Variants in ATG7 observed in about 807,000 individuals in gnomAD.
ATG7 encodes ubiquitin-like modifier-activating enzyme ATG7.
Under a neutral mutation model 82.4 loss-of-function variants are expected in ATG7, and 70 were observed. The observed-to-expected ratio is 0.85, with a 90% CI of 0.70 to 1.04. The LOEUF (loss-of-function observed/expected upper bound fraction) is 1.04, where lower values mean the gene tolerates loss of function less well. Ranked by LOEUF, ATG7 falls within the 50% of genes least tolerant of loss-of-function variation. ATG7 has a pLI of 0.00. For synonymous variants in ATG7, 287 were observed against 313.0 expected, an observed-to-expected ratio of 0.92 and a Z score of 0.88; for missense variants, 792 against 864.3, an observed-to-expected ratio of 0.92 and a Z score of 1.05.
chr3:11,484,083 G>A (rs556770630), intron 20 of ATG7, among the ~76,000 whole-genome samples: 1 of 152,288 alleles, frequency 6.6e-6, no homozygotes, highest in African/African-American at 2.4e-5. Flanking sequence ...CTAAGAGGAA[G>A]GTGATAGGCC....
chr3:11,345,431 G>T (rs1274271409), intron 13 of ATG7, among the ~76,000 whole-genome samples: 1 of 152,066 alleles, frequency 6.6e-6, no homozygotes, highest in African/African-American at 2.4e-5. Flanking sequence ...AAAGAATTTT[G>T]TTGGTTGGGG....
rs548436229 is a variant in ATG7 at position 11,488,629 on chromosome 3, C to T, written c.2079+61703C>T. Among the ~76,000 whole-genome samples, 5 of 152,238 alleles carry T rather than the reference C, an allele frequency of 3.3e-5. No individual in the cohort carries two copies. The East Asian group carries it at 9.7e-4, about 29-fold the overall frequency. ...CCCAGCCCGCGGGCCTTCGAGCCTTCTGGGGCCTCCGGCGCCGTGACCTCC... is the reference window on the plus strand; with the variant it reads ...CCCAGCCCGCGGGCCTTCGAGCCTTTTGGGGCCTCCGGCGCCGTGACCTCC... On this transcript the variant is annotated intron_variant, in intron 20 of 20. Coordinates refer to ENST00000693202, the MANE Select transcript of ATG7 (RefSeq NM_001349232.2).
intron 3 of ATG7, among the ~76,000 whole-genome samples, chr3:11,287,797 G>A (rs1386258830): frequency 7.9e-5 from 12 of 152,224 alleles, no homozygotes; most frequent in Admixed American, 7.2e-4. Flanking sequence ...CGCCCTCAGC[G>A]CCCTCACTGA....
At chr3:11,296,410 G>A (rs1945924471) in intron 3 of ATG7, among the ~76,000 whole-genome samples, 1 of 151,942 alleles carries the variant, frequency 6.6e-6, no homozygotes, top group Admixed American at 6.6e-5. Context: ...TACCAAGTTA[G>A]GTCACCTTTT....
At chr3:11,504,200 G>C (rs986408620) in intron 20 of ATG7, among the ~76,000 whole-genome samples, 1 of 151,896 alleles carries the variant, frequency 6.6e-6, no homozygotes, top group African/African-American at 2.4e-5. Flanking sequence ...AGTTGTTTTT[G>C]GACTTCTGAA....
In ATG7 at chr3:11,342,134, G is replaced by T; in HGVS notation, c.981-1G>T. On this transcript the variant is annotated splice_acceptor_variant, in intron 12 of 20. Coordinates refer to ENST00000693202, the MANE Select transcript of ATG7 (RefSeq NM_001349232.2). LOFTEE classifies it high-confidence loss of function. ...GAATAAGTAAATCTCTCCTTTTCTAGGTTAGCTGAGTCATCAGTGGATCTA... is the reference window on the plus strand; with the variant it reads ...GAATAAGTAAATCTCTCCTTTTCTATGTTAGCTGAGTCATCAGTGGATCTA... The T allele has an allele frequency of 6.2e-7, 1 of 1,610,458 alleles. No homozygotes were observed. Among genetic ancestry groups the T allele is most frequent in the Non-Finnish European group, 8.5e-7 (1 of 1,179,184 alleles).
intron 20 of ATG7, among the ~76,000 whole-genome samples, chr3:11,458,284 G>T (rs1444813109): frequency 6.6e-6 from 1 of 151,936 alleles, no homozygotes; most frequent in Non-Finnish European, 1.5e-5. Context: ...GTTTTGTTTT[G>T]ATGGGGTCTT....
At chr3:11,454,325 T>A (rs912328037) in intron 20 of ATG7, among the ~76,000 whole-genome samples, 2 of 152,192 alleles carry the variant, frequency 1.3e-5, no homozygotes, top group Non-Finnish European at 2.9e-5. Flanking sequence ...CGTGTTTCCC[T>A]GGCCAAAATG....
intron 19 of ATG7, among the ~76,000 whole-genome samples, chr3:11,389,128 G>T (rs2078562114): frequency 1.3e-5 from 2 of 151,324 alleles, no homozygotes; most frequent in South Asian, 4.2e-4. Context: ...CAGCTACTTG[G>T]GAGGCTGAGG....
chr3:11,546,673 GGAGA>G (rs2071321156), intron 20 of ATG7, among the ~76,000 whole-genome samples: 1 of 152,188 alleles, frequency 6.6e-6, no homozygotes, highest in African/African-American at 2.4e-5. Context: ...TGTCTCCTTT[GGAGA>G]GAGTTAAACC....
the ATG7 span, among the ~76,000 whole-genome samples, chr3:11,575,085 C>T: frequency 6.6e-6 from 1 of 152,134 alleles, no homozygotes; most frequent in Non-Finnish European, 1.5e-5. Context: ...CACTTTACAC[C>T]GAGGAAAAGT....
chr3:11,463,483 T>G (rs936348584), intron 20 of ATG7, among the ~76,000 whole-genome samples: 3 of 152,220 alleles, frequency 2.0e-5, no homozygotes, highest in African/African-American at 7.2e-5. Flanking sequence ...ATATTTCTTA[T>G]GGCCTCCCAT....
downstream of ATG7, among the ~76,000 whole-genome samples, chr3:11,560,676 A>G (rs1412639772): frequency 6.6e-6 from 1 of 152,222 alleles, no homozygotes; most frequent in Non-Finnish European, 1.5e-5. Context: ...AAGAAGCGAC[A>G]CATGCCAGGG....
At chr3:11,550,744 A>C (rs147552063) in intron 20 of ATG7, among the ~76,000 whole-genome samples, 232 of 151,850 alleles carry the variant, frequency 1.5e-3, no homozygotes, top group African/African-American at 4.8e-3. Context: ...CCTTTATGGT[A>C]TGTTGTTATG....
intron 20 of ATG7, among the ~76,000 whole-genome samples, chr3:11,435,219 A>G (rs753877303): frequency 7.9e-5 from 12 of 152,180 alleles, no homozygotes; most frequent in African/African-American, 1.2e-4. Flanking sequence ...CTTTTTGCAG[A>G]TTTTGAGATT....
chr3:11,568,651 GT>G, the ATG7 span: 2 of 1,566,140 alleles, frequency 1.3e-6, no homozygotes, highest in Non-Finnish European at 1.7e-6. The surrounding 1 kb of genome is among the most constrained non-coding windows in gnomAD (Gnocchi z 5.9). Context: ...GACAGACATT[GT>G]TTTCCAGGCC....
At chr3:11,376,294 G>A (rs2077411516) in intron 18 of ATG7, among the ~76,000 whole-genome samples, 1 of 152,178 alleles carries the variant, frequency 6.6e-6, no homozygotes, top group African/African-American at 2.4e-5. Context: ...AAAAACCACT[G>A]AGCTGTACAG....
At chr3:11,377,367 A>G (rs781543722) in intron 18 of ATG7, among the ~76,000 whole-genome samples, 2 of 152,184 alleles carry the variant, frequency 1.3e-5, no homozygotes, top group African/African-American at 4.8e-5. Flanking sequence ...GGGCCTGCTG[A>G]ACGGTGGTGT....
chr3:11,496,985 G>A (rs2090882116), intron 20 of ATG7, among the ~76,000 whole-genome samples: 1 of 151,796 alleles, frequency 6.6e-6, no homozygotes, highest in Admixed American at 6.6e-5. Context: ...CTGAGGAGCT[G>A]GGATTACAGG....
Sources: gnomAD v4.1 joint callset for allele counts (sites outside exome capture counted in the v4.1 genomes callset) on GRCh38, gnomAD v4.1.1 for gene constraint, Gnocchi (gnomAD v3.1) non-coding constraint, MANE v1.5 for transcripts, NCBI Gene and HGNC (gene_info 2026-07-23, HGNC 2026-07-21) for gene names.